The following AKAP19 variants were observed in gnomAD, a reference collection of about 807,000 sequenced individuals.
AKAP19 encodes A-kinase anchoring protein 19.
chr2:190,022,594 T>A, the AKAP19 span, among the ~76,000 whole-genome samples: 1 of 152,138 alleles, frequency 6.6e-6, no homozygotes, highest in Non-Finnish European at 1.5e-5. Flanking sequence ...TTCTTAAAAA[T>A]TCAGATCCTG....
chr2:190,178,661 G>A, the AKAP19 span, among the ~76,000 whole-genome samples: 4 of 152,350 alleles, frequency 2.6e-5, no homozygotes, highest in African/African-American at 9.6e-5. This position sits in a 1 kb window ranked among gnomAD's most constrained non-coding sequence, Gnocchi z 6.3. Flanking sequence ...TTGGCTCGGT[G>A]TGTAGGCCTC....
the AKAP19 span, among the ~76,000 whole-genome samples, chr2:189,997,336 G>A: frequency 3.4e-3 from 513 of 152,280 alleles, no homozygotes; most frequent in Non-Finnish European, 5.8e-3. Context: ...GGATGGGGCC[G>A]TAAAGCTCCC....
At chr2:190,058,664 C>T in the AKAP19 span, among the ~76,000 whole-genome samples, 1 of 151,960 alleles carries the variant, frequency 6.6e-6, no homozygotes, top group African/African-American at 2.4e-5. Context: ...CCATGGAATA[C>T]TATTTAACCA....
the AKAP19 span, chr2:189,879,946 C>T: frequency 6.6e-6 from 1 of 152,254 alleles, no homozygotes; most frequent in Non-Finnish European, 1.5e-5. Flanking sequence ...CCCTCTTGAA[C>T]ATGTTGCTGA....
At chr2:190,006,824 C>T in the AKAP19 span, among the ~76,000 whole-genome samples, 1 of 151,936 alleles carries the variant, frequency 6.6e-6, no homozygotes, top group Admixed American at 6.6e-5. Context: ...CGAGACTATC[C>T]TGGCTAACAC....
chr2:189,908,536 A>G, the AKAP19 span, among the ~76,000 whole-genome samples: 2 of 152,106 alleles, frequency 1.3e-5, no homozygotes, highest in South Asian at 4.2e-4. Flanking sequence ...GCTGCATCGA[A>G]TAAGTTTTGA....
At chr2:190,019,241 C>G in the AKAP19 span, among the ~76,000 whole-genome samples, 1 of 152,152 alleles carries the variant, frequency 6.6e-6, no homozygotes, top group Non-Finnish European at 1.5e-5. Context: ...TGAACTTTGC[C>G]AAAATGCACC....
At chr2:190,078,753 A>G in the AKAP19 span, among the ~76,000 whole-genome samples, 1 of 152,154 alleles carries the variant, frequency 6.6e-6, no homozygotes, top group Non-Finnish European at 1.5e-5. Flanking sequence ...TAAATTTTTA[A>G]ATATGCCGTT....
chr2:190,075,681 T>A, the AKAP19 span, among the ~76,000 whole-genome samples: 4 of 152,154 alleles, frequency 2.6e-5, no homozygotes, highest in African/African-American at 7.2e-5. Context: ...TGTTTTTATG[T>A]TGTATCTTTT....
the AKAP19 span, among the ~76,000 whole-genome samples, chr2:189,882,926 A>AT: frequency 8.6e-4 from 123 of 143,136 alleles, no homozygotes; most frequent in African/African-American, 1.7e-3. Context: ...CCCAAGGTTC[A>AT]TTTTTTTTTT....
the AKAP19 span, among the ~76,000 whole-genome samples, chr2:189,998,199 C>A: frequency 2.6e-5 from 4 of 152,108 alleles, no homozygotes; most frequent in African/African-American, 7.2e-5. Flanking sequence ...TCTGTGAATT[C>A]TCTCAGTTTT....
the AKAP19 span, among the ~76,000 whole-genome samples, chr2:190,127,864 G>C: frequency 6.6e-6 from 1 of 152,108 alleles, no homozygotes; most frequent in African/African-American, 2.4e-5. Context: ...ATGGTTTTAT[G>C]TGGTTCAAGG....
At chr2:190,150,670 G>C in the AKAP19 span, among the ~76,000 whole-genome samples, 1 of 152,214 alleles carries the variant, frequency 6.6e-6, no homozygotes, top group African/African-American at 2.4e-5. Flanking sequence ...TCAAATGCGA[G>C]CTTCTGCAAA....
chr2:189,917,402 T>A, the AKAP19 span: 1 of 865,818 alleles, frequency 1.2e-6, no homozygotes, highest in East Asian at 2.5e-5. Flanking sequence ...AGATCTCAAA[T>A]TCTTGTCTTC....
At chr2:189,924,752 A>G in the AKAP19 span, among the ~76,000 whole-genome samples, 2 of 152,162 alleles carry the variant, frequency 1.3e-5, no homozygotes, top group East Asian at 3.8e-4. Context: ...TGCATCCTCT[A>G]GAAAAATAAT....
the AKAP19 span, among the ~76,000 whole-genome samples, chr2:190,128,748 AAAAC>A: frequency 6.6e-6 from 1 of 152,258 alleles, no homozygotes; most frequent in African/African-American, 2.4e-5. Context: ...TATACAAAAC[AAAAC>A]AAACAACAAA....
the AKAP19 span, among the ~76,000 whole-genome samples, chr2:190,188,520 T>G: frequency 6.6e-6 from 1 of 152,248 alleles, no homozygotes; most frequent in Non-Finnish European, 1.5e-5. Context: ...TGATCACACC[T>G]GCTATCTTAA....
the AKAP19 span, among the ~76,000 whole-genome samples, chr2:190,038,719 C>T: frequency 6.6e-6 from 1 of 152,168 alleles, no homozygotes; most frequent in African/African-American, 2.4e-5. Flanking sequence ...GCTTTTTCTC[C>T]TTTTCCAGGG....
the AKAP19 span, among the ~76,000 whole-genome samples, chr2:189,936,961 G>C: frequency 2.6e-5 from 4 of 152,024 alleles, no homozygotes; most frequent in Non-Finnish European, 5.9e-5. Flanking sequence ...CCCTGTCCCT[G>C]TCAGTGCACA....
Sources: allele counts gnomAD v4.1 joint callset (sites outside exome capture counted in the v4.1 genomes callset), GRCh38; gene constraint gnomAD v4.1.1; non-coding constraint Gnocchi (gnomAD v3.1); transcripts MANE v1.5; gene names NCBI Gene and HGNC (gene_info 2026-07-23, HGNC 2026-07-21).